NDE1: variants seen among roughly 807,000 people sequenced by gnomAD.
The protein encoded by NDE1 is nuclear distribution protein nudE homolog 1.
A neutral mutation model predicts 43.4 loss-of-function variants in NDE1; 28 were observed. The ratio of observed to expected loss-of-function variants is 0.65; its 90% CI spans 0.48 to 0.89. The LOEUF is 0.89. Ranked by LOEUF, NDE1 falls within the 40% of genes least tolerant of loss-of-function variation. The pLI is 0.00. For synonymous variants in NDE1, 184 were observed against 172.0 expected (o/e 1.07, Z -0.55); for missense variants, 441 against 434.1 (o/e 1.02, Z -0.14).
At chr16:15,676,324 G>A (rs559949674) in intron 3 of NDE1, among the ~76,000 whole-genome samples, 5 of 146,002 alleles carry the variant, frequency 3.4e-5, no homozygotes, top group East Asian at 2.1e-4. Context: ...ATTCTCCCGC[G>A]TCAGCCTTCT....
chr16:15,687,532 T>G (rs2038500603), intron 5 of NDE1, 21 bp downstream of exon 5: 2 of 1,600,450 alleles, frequency 1.2e-6, no homozygotes, highest in African/African-American at 2.7e-5. Flanking sequence ...CTTGGTGTCT[T>G]CACCAGCATG....
chr16:15,653,991 A>G lies in NDE1; in HGVS notation c.-44+3697A>G, dbSNP rs539307555. Among the ~76,000 whole-genome samples the G allele has an allele frequency of 2.6e-5, 4 of 152,132 alleles. No homozygotes were observed. In the South Asian group the frequency reaches 8.3e-4, roughly 32 times the overall value. On this transcript the variant is annotated intron_variant, in intron 1 of 8. Coordinates refer to ENST00000396354, the MANE Select transcript of NDE1 (RefSeq NM_017668.3). ...GGTGATCTGCCTGCCTCACCCTCCC[A>G]AAGTGCTGGGATTACAGGCATGAGC...
chr16:15,712,036 T>G (rs142885282), intron 8 of NDE1, among the ~76,000 whole-genome samples: 4 of 151,818 alleles, frequency 2.6e-5, no homozygotes, highest in African/African-American at 9.7e-5. Context: ...CTCCCATAGA[T>G]GGGATGTGGG....
At chr16:15,697,065 G>A in intron 8 of NDE1, 1 of 1,483,884 alleles carries the variant, frequency 6.7e-7, no homozygotes, top group African/African-American at 1.4e-5. Context: ...GTCTTGTTTT[G>A]TGAGACAGGG....
intron 8 of NDE1, among the ~76,000 whole-genome samples, chr16:15,710,827 G>A (rs1475936247): frequency 6.6e-6 from 1 of 152,048 alleles, no homozygotes; most frequent in Non-Finnish European, 1.5e-5. Flanking sequence ...ACAGGCATCT[G>A]CCACCACGCC....
rs1596735311 is a variant in NDE1 at position 15,725,803 on chromosome 16, G to A, written c.*1552G>A. On this transcript the variant is annotated 3_prime_UTR_variant, in exon 9 of 9. Coordinates refer to ENST00000396354, the MANE Select transcript of NDE1 (RefSeq NM_017668.3). ...TAAATGGCTATGCCAAGTGAAAGAA[G>A]ACCAAAGACAAAAAGACCATGTCAT... 7.5e-6 allele frequency: 3 copies of A among 398,216 alleles called. No homozygotes were observed. The highest frequency in any genetic ancestry group is 1.3e-4 in the South Asian group (1 of 7,746). The allele number at this position is 398,216 out of a possible 1,614,324, so 24.7% of individuals were successfully genotyped here. A position where few individuals can be genotyped will look rare whatever the true frequency, so the allele number is the denominator to read the frequency against.
intron 1 of NDE1, among the ~76,000 whole-genome samples, chr16:15,661,298 G>A (rs1337656965): frequency 2.0e-5 from 3 of 151,796 alleles, no homozygotes; most frequent in Non-Finnish European, 4.4e-5. Flanking sequence ...ACAGGCACCC[G>A]CTGCCAGGCC....
At chr16:15,719,547 C>A in intron 8 of NDE1, 1 of 1,613,000 alleles carries the variant, frequency 6.2e-7, no homozygotes, top group Non-Finnish European at 8.5e-7. Context: ...TACCGTGACA[C>A]CCGCATCTGA....
chr16:15,693,352 AC>A (rs1369856296), intron 6 of NDE1, among the ~76,000 whole-genome samples: 4 of 152,042 alleles, frequency 2.6e-5, no homozygotes, highest in African/African-American at 7.2e-5. Flanking sequence ...TGGTGCATGG[AC>A]CCCACTTGGA....
exon 1 of NDE1, chr16:15,643,424 A>G (rs2036197966): frequency 2.2e-6 from 1 of 464,594 alleles, no homozygotes; most frequent in Admixed American, 2.5e-5. Flanking sequence ...TGTGGAGTCG[A>G]AAGGAACCTT....
intron 2 of NDE1, among the ~76,000 whole-genome samples, chr16:15,666,391 C>T (rs577256949): frequency 6.6e-6 from 1 of 151,926 alleles, no homozygotes; most frequent in African/African-American, 2.4e-5. Context: ...AGGCAGATCA[C>T]TTGAGCTCAG....
Position 15,714,903 on chromosome 16 carries a change from C to G in NDE1, c.948-9288C>G, listed in dbSNP as rs766417351. 5 of 1,613,464 alleles carry G rather than the reference C, an allele frequency of 3.1e-6. No homozygotes were observed. Among genetic ancestry groups the G allele is most frequent in the African/African-American group, 1.3e-5 (1 of 74,926 alleles). ...ACGGGGTCCTCCCGGGCCACGGGCT[C>G]CTCACCTGAGCTTGCTCTTGAGTGC... On this transcript the variant is annotated intron_variant, in intron 8 of 8. Coordinates refer to ENST00000396354, the MANE Select transcript of NDE1 (RefSeq NM_017668.3).
chr16:15,647,314 C>G (rs1242697826), upstream of NDE1, among the ~76,000 whole-genome samples: 6 of 152,204 alleles, frequency 3.9e-5, no homozygotes, highest in Non-Finnish European at 8.8e-5. Context: ...GCTAAGATCT[C>G]TTTGCCTCTA....
chr16:15,691,299 AAC>A lies in NDE1; in HGVS notation c.684_685del (p.Pro229TrpfsTer85), dbSNP rs756206942. 5.8e-5 allele frequency: 94 copies of A among 1,613,952 alleles called. No individual in the cohort carries two copies. Among genetic ancestry groups the A allele is most frequent in the South Asian group, 1.9e-4 (17 of 91,084 alleles). On this transcript the variant is annotated frameshift_variant, in exon 6 of 9. Transcript: ENST00000396354. LOFTEE classifies it high-confidence loss of function. ...TCACCGAGGACCCAGCTCAAGTTTA[AAC>A]ACACCTGGGAGCTTCAGACGTGGTA... ...IAHRGPSSSL[N>X]TPGSFRRGLD...
chr16:15,679,778 T>G (rs924625980), intron 4 of NDE1, among the ~76,000 whole-genome samples: 3 of 145,912 alleles, frequency 2.1e-5, no homozygotes, highest in African/African-American at 8.4e-5. Flanking sequence ...ATTAGTTGTT[T>G]TTTGTTTTTG....
At chr16:15,687,592 A>G (rs771453211) in intron 5 of NDE1, 81 bp downstream of exon 5, 18 of 1,362,068 alleles carry the variant, frequency 1.3e-5, no homozygotes, top group Non-Finnish European at 1.9e-5. Flanking sequence ...CTCTCCCAGC[A>G]TTATCTTTAC....
At chr16:15,672,954 C>A (rs1026512113) in intron 3 of NDE1, among the ~76,000 whole-genome samples, 4 of 152,142 alleles carry the variant, frequency 2.6e-5, no homozygotes, top group Non-Finnish European at 4.4e-5. Flanking sequence ...GGTCCGCCCT[C>A]CTCATCCTTC....
At chr16:15,694,973 C>A (rs762099891) in intron 7 of NDE1, 259 of 922,878 alleles carry the variant, frequency 2.8e-4, no homozygotes, top group Non-Finnish European at 3.2e-4. Context: ...GAGTCTGACA[C>A]CAGCCCGGGC....
At chr16:15,698,443 T>G (rs1332828289) in intron 8 of NDE1, among the ~76,000 whole-genome samples, 1 of 152,186 alleles carries the variant, frequency 6.6e-6, no homozygotes, top group East Asian at 1.9e-4. Context: ...CTGCAAGGTG[T>G]GTGACTACCA....
Sources: allele counts gnomAD v4.1 joint callset (sites outside exome capture counted in the v4.1 genomes callset), GRCh38; gene constraint gnomAD v4.1.1; transcripts MANE v1.5; gene names NCBI Gene and HGNC (gene_info 2026-07-23, HGNC 2026-07-21).